LUZP2: variants seen among roughly 807,000 people sequenced by gnomAD.
LUZP2 encodes the protein leucine zipper protein 2.
Under a neutral mutation model 51.6 loss-of-function variants are expected in LUZP2, and 52 were observed. The observed-to-expected ratio is 1.01, with a 90% CI of 0.81 to 1.27. The LOEUF (loss-of-function observed/expected upper bound fraction) is 1.27, where lower values mean the gene tolerates loss of function less well. Among genes scored for constraint, LUZP2 ranks in the 50% most tolerant of loss-of-function variants. The pLI, the probability that LUZP2 is intolerant of heterozygous loss-of-function variation, is 0.00. For synonymous variants in LUZP2, 154 were observed against 137.3 expected (o/e 1.12, Z -0.85); for missense variants, 436 against 395.4 (o/e 1.10, Z -0.87).
At chr11:24,557,087 C>T (rs558121593) in intron 1 of LUZP2, among the ~76,000 whole-genome samples, 4 of 152,208 alleles carry the variant, frequency 2.6e-5, no homozygotes, top group South Asian at 4.1e-4. Flanking sequence ...ATGAAGCTTC[C>T]GGGTATTTCC....
At position 24,852,966 on chromosome 11, in the gene LUZP2, C is replaced by T. The variant is rs1228790573; in HGVS notation, c.397-53025C>T. 3.9e-5 allele frequency among the ~76,000 whole-genome samples: 6 copies of T among 152,186 alleles called. 1 individual carries two copies. The highest frequency in any genetic ancestry group is 3.9e-4 in the Admixed American group (6 of 15,268). On this transcript the variant is annotated intron_variant, in intron 5 of 11. Transcript: ENST00000336930. ...CCCTTTATTCTGAACCTATGTGTGT[C>T]TTTGCATGTGAGATGGGTCTCCTGA...
At chr11:24,522,596 T>C (rs1202108433) in intron 1 of LUZP2, among the ~76,000 whole-genome samples, 1 of 152,090 alleles carries the variant, frequency 6.6e-6, no homozygotes, top group East Asian at 1.9e-4. Context: ...TGAATCAGTA[T>C]GTAGTCTGAT....
At chr11:24,850,972 G>A (rs1308175173) in intron 5 of LUZP2, among the ~76,000 whole-genome samples, 1 of 152,144 alleles carries the variant, frequency 6.6e-6, no homozygotes, top group African/African-American at 2.4e-5. Flanking sequence ...TTTATCCTTA[G>A]ACTTTGCTGA....
At chr11:25,022,890 G>T (rs113063481) in intron 9 of LUZP2, among the ~76,000 whole-genome samples, 16 of 152,204 alleles carry the variant, frequency 1.1e-4, no homozygotes, top group African/African-American at 3.6e-4. Flanking sequence ...GGCCTTTTCT[G>T]TGTCTATTGA....
chr11:24,670,517 G>C (rs974457650), intron 1 of LUZP2, among the ~76,000 whole-genome samples: 28 of 151,874 alleles, frequency 1.8e-4, no homozygotes, highest in African/African-American at 5.8e-4. Flanking sequence ...AATTCTTTTA[G>C]TTGCATTTAT....
chr11:24,584,151 C>T (rs1852976849), intron 1 of LUZP2, among the ~76,000 whole-genome samples: 1 of 152,112 alleles, frequency 6.6e-6, no homozygotes, highest in Non-Finnish European at 1.5e-5. Context: ...AAAGTCCTGC[C>T]ATCATTGCAG....
chr11:24,766,758 C>A (rs982089024), intron 5 of LUZP2, among the ~76,000 whole-genome samples: 2 of 152,078 alleles, frequency 1.3e-5, no homozygotes, highest in African/African-American at 4.8e-5. Context: ...TGTATTTACA[C>A]TTTTATTAGT....
chr11:24,727,243 C>A (rs568540000), intron 1 of LUZP2, among the ~76,000 whole-genome samples: 4 of 151,950 alleles, frequency 2.6e-5, no homozygotes, highest in South Asian at 2.1e-4. Context: ...TCTTGAAGGA[C>A]GCAATGAACA....
chr11:24,661,344 G>A (rs533986414), intron 1 of LUZP2, among the ~76,000 whole-genome samples: 1 of 152,296 alleles, frequency 6.6e-6, no homozygotes, highest in South Asian at 2.1e-4. Flanking sequence ...AGAATCCAAT[G>A]TTGGCATACA....
At chr11:24,884,186 T>C (rs2134303508) in intron 5 of LUZP2, among the ~76,000 whole-genome samples, 1 of 152,138 alleles carries the variant, frequency 6.6e-6, no homozygotes, top group South Asian at 2.1e-4. Flanking sequence ...CTTTCTTTCC[T>C]GGTGGGATTG....
At chr11:24,706,948 T>TG (rs1194038358) in intron 1 of LUZP2, among the ~76,000 whole-genome samples, 2 of 150,940 alleles carry the variant, frequency 1.3e-5, no homozygotes, top group African/African-American at 4.9e-5. Context: ...CACTGTGATC[T>TG]GGGGTTCATC....
chr11:24,996,647 T>TTTTTA (rs1856513003), intron 9 of LUZP2, among the ~76,000 whole-genome samples: 1 of 145,364 alleles, frequency 6.9e-6, no homozygotes, highest in African/African-American at 2.7e-5. Flanking sequence ...ACTTTAAGTT[T>TTTTTA]TAGGGTGCAT....
intron 4 of LUZP2, among the ~76,000 whole-genome samples, chr11:24,739,198 G>A (rs1439202527): frequency 6.6e-6 from 1 of 152,034 alleles, no homozygotes. Context: ...TGTGGTTTCT[G>A]AGGCAATGAA....
intron 9 of LUZP2, among the ~76,000 whole-genome samples, chr11:25,004,356 A>C (rs1267990739): frequency 1.3e-5 from 2 of 152,154 alleles, no homozygotes; most frequent in African/African-American, 4.8e-5. Flanking sequence ...TGTCCTCTGA[A>C]CCACCAAGGT....
intron 10 of LUZP2, among the ~76,000 whole-genome samples, chr11:25,055,042 C>T (rs1228696188): frequency 5.2e-5 from 7 of 135,064 alleles, no homozygotes; most frequent in Non-Finnish European, 1.1e-4. Context: ...GGCGGAGTCT[C>T]GCTGTGTCAC....
Position 24,675,730 on chromosome 11 carries a change from T to G in LUZP2, c.63-53439T>G, listed in dbSNP as rs551037558. ...AGAAAAACCTGATTGGTCCTTATTA[T>G]TACTATTAATATGTCTGCCCTACAA... On this transcript the variant is annotated intron_variant, in intron 1 of 11. Transcript: ENST00000336930. 2.6e-5 allele frequency among the ~76,000 whole-genome samples: 4 copies of G among 152,008 alleles called. No homozygotes were observed. The East Asian group carries it at 7.7e-4, about 29-fold the overall frequency.
intron 3 of LUZP2, among the ~76,000 whole-genome samples, chr11:24,737,224 C>T (rs1227140421): frequency 6.6e-6 from 1 of 151,968 alleles, no homozygotes; most frequent in East Asian, 1.9e-4. Context: ...TGAGCACAAA[C>T]CTATAAGTTA....
At chr11:25,032,497 A>G (rs897488849) in intron 9 of LUZP2, among the ~76,000 whole-genome samples, 1 of 152,068 alleles carries the variant, frequency 6.6e-6, no homozygotes, top group African/African-American at 2.4e-5. Flanking sequence ...TAATATTCTG[A>G]TACTCCTTTT....
intron 4 of LUZP2, among the ~76,000 whole-genome samples, chr11:24,762,189 G>A (rs76459133): frequency 0.054 from 8,275 of 152,080 alleles, 412 homozygotes; most frequent in African/African-American, 0.14. Flanking sequence ...CCTAAATTTA[G>A]CTTCCAACCC....
Sources: gnomAD v4.1 joint callset for allele counts (sites outside exome capture counted in the v4.1 genomes callset) on GRCh38, gnomAD v4.1.1 for gene constraint, MANE v1.5 for transcripts, NCBI Gene and HGNC (gene_info 2026-07-23, HGNC 2026-07-21) for gene names.